Variants in NUDCD2 observed in about 807,000 individuals in gnomAD.
NUDCD2 encodes the protein NudC domain containing 2.
Under a neutral mutation model 20.8 loss-of-function variants are expected in NUDCD2, and 16 were observed. The observed-to-expected ratio is 0.77, with a 90% CI of 0.52 to 1.17. The LOEUF is 1.17. Ranked by LOEUF, NUDCD2 falls within the 50% of genes most tolerant of loss-of-function variation. NUDCD2 has a pLI of 0.00. For missense variants in NUDCD2, 199 were observed against 193.9 expected (o/e 1.03, Z -0.16); for synonymous variants, 87 against 72.8 (o/e 1.20, Z -1.00).
rs1758062622 is a variant in NUDCD2, at chr5:163,447,395, GA to G, written c.*6571del. ...GAGCCCAGGAGTTTGAGGCTGCAGT[GA>G]AGCATGACAGAGTTGCTATGCTCCA... On this transcript the variant is annotated 3_prime_UTR_variant, in exon 4 of 4. Coordinates refer to ENST00000302764, the MANE Select transcript of NUDCD2 (RefSeq NM_145266.6). The G allele has an allele frequency of 4.1e-5, 6 of 147,982 alleles. No individual in the cohort carries two copies. The South Asian group carries it at 1.3e-3, about 32-fold the overall frequency. 9.2% of individuals were successfully genotyped at this position (147,982 alleles called of 1,614,324 possible).
At chr5:163,454,256 C>T (rs1220666755) in intron 3 of NUDCD2, among the ~76,000 whole-genome samples, 1 of 152,132 alleles carries the variant, frequency 6.6e-6, no homozygotes, top group Non-Finnish European at 1.5e-5. Flanking sequence ...ATCATATGTA[C>T]ACTACAATGT....
intron 3 of NUDCD2, among the ~76,000 whole-genome samples, chr5:163,456,215 G>A (rs1225073490): frequency 1.3e-5 from 2 of 152,138 alleles, no homozygotes; most frequent in Non-Finnish European, 2.9e-5. Context: ...TCATAAAGAC[G>A]TACATTATCA....
Position 163,451,289 on chromosome 5 carries a change from G to A in NUDCD2, c.*2678C>T, listed in dbSNP as rs576932279. The A allele has an allele frequency of 2.0e-4, 31 of 152,208 alleles. 1 individual carries two copies. Among genetic ancestry groups the A allele is most frequent in the Middle Eastern group, 3.4e-3 (1 of 294 alleles). 9.4% of individuals were successfully genotyped at this position (152,208 alleles called of 1,614,324 possible). On this transcript the variant is annotated 3_prime_UTR_variant, in exon 4 of 4. Transcript: ENST00000302764. ...GAAATGTATGTTGTTACAATAAAGC[G>A]TTTTTCTTAATTATATATGATCCCA...
chr5:163,447,805 A>T lies in NUDCD2; in HGVS notation c.*6162T>A, dbSNP rs1758076757. The T allele has an allele frequency of 6.6e-6, 1 of 152,160 alleles. No individual in the cohort carries two copies. Among genetic ancestry groups the T allele is most frequent in the African/African-American group, 2.4e-5 (1 of 41,440 alleles). 9.4% of individuals were successfully genotyped at this position (152,160 alleles called of 1,614,324 possible). On this transcript the variant is annotated 3_prime_UTR_variant, in exon 4 of 4. Transcript: ENST00000302764. Reference sequence around the variant, plus strand: ...AGTAACAGCAAGAAAATCTCCAAACACTTGGAAATTAAACAACACATTTCT... The same window carrying T: ...AGTAACAGCAAGAAAATCTCCAAACTCTTGGAAATTAAACAACACATTTCT...
In NUDCD2 at chr5:163,452,891, A is replaced by G. The variant is rs1304443182; in HGVS notation, c.*1076T>C. On this transcript the variant is annotated 3_prime_UTR_variant, in exon 4 of 4. Transcript: ENST00000302764. Reference sequence around the variant, plus strand: ...TGTTCCAGAATGAAGTAAACTAAAGACAGCTGACATCTAAATGAAAGGCAT... The same window carrying G: ...TGTTCCAGAATGAAGTAAACTAAAGGCAGCTGACATCTAAATGAAAGGCAT... 1 of 152,214 alleles carries G rather than the reference A, an allele frequency of 6.6e-6. No individual in the cohort carries two copies. Among genetic ancestry groups the G allele is most frequent in the African/African-American group, 2.4e-5 (1 of 41,454 alleles). The allele number at this position is 152,214 out of a possible 1,614,324, so 9.4% of individuals were successfully genotyped here.
At chr5:163,454,915 A>C (rs913023260) in intron 3 of NUDCD2, among the ~76,000 whole-genome samples, 5 of 152,198 alleles carry the variant, frequency 3.3e-5, no homozygotes, top group Non-Finnish European at 7.4e-5. Context: ...ACCATAAATC[A>C]ACCAGTACAG....
Position 163,460,067 on chromosome 5 carries a change from G to C in NUDCD2, c.-17C>G, listed in dbSNP as rs567390299. The C allele has an allele frequency of 1.3e-6, 2 of 1,531,656 alleles. No individual in the cohort carries two copies. The highest frequency in any genetic ancestry group is 2.8e-5 in the African/African-American group (2 of 71,748). 94.9% of individuals were successfully genotyped at this position (1,531,656 alleles called of 1,614,324 possible). On this transcript the variant is annotated 5_prime_UTR_variant, in exon 1 of 4. Transcript: ENST00000302764. ...GGCCGACATAATCCAGTCCCTCCCG[G>C]CCGCGGCCGCACCAGGCGGAGCCGA... is the stretch of plus-strand genomic sequence containing the variant.
chr5:163,449,939 A>C lies in NUDCD2; in HGVS notation c.*4028T>G, dbSNP rs1463631466. The C allele has an allele frequency of 6.6e-6, 1 of 152,162 alleles. No individual in the cohort carries two copies. The highest frequency in any genetic ancestry group is 1.5e-5 in the Non-Finnish European group (1 of 68,024). 9.4% of individuals were successfully genotyped at this position (152,162 alleles called of 1,614,324 possible). A position where few individuals can be genotyped will look rare whatever the true frequency, so the allele number is the denominator to read the frequency against. ...GATCACGGATCTAAATGTAGAACTA[A>C]ATTTATAAAATTTTTAGAAGAAAAA... On this transcript the variant is annotated 3_prime_UTR_variant, in exon 4 of 4. Coordinates refer to ENST00000302764, the MANE Select transcript of NUDCD2 (RefSeq NM_145266.6).
chr5:163,454,484 G>T (rs938445598), intron 3 of NUDCD2, among the ~76,000 whole-genome samples: 2 of 152,098 alleles, frequency 1.3e-5, no homozygotes, highest in African/African-American at 4.8e-5. Context: ...TGCGATTACA[G>T]GCATGTACCA....
At position 163,448,881 on chromosome 5, in the gene NUDCD2, A is replaced by AG. The variant is rs1758107401; in HGVS notation, c.*5085dup. On this transcript the variant is annotated 3_prime_UTR_variant, in exon 4 of 4. Coordinates refer to ENST00000302764, the MANE Select transcript of NUDCD2 (RefSeq NM_145266.6). ...AAAGAATGACCAAACTGATACAGAA[A>AG]GAGCATAGAAAATTCAGCATCCACT... The AG allele has an allele frequency of 6.6e-6, 1 of 152,248 alleles. No homozygotes were observed. Among genetic ancestry groups the AG allele is most frequent in the Non-Finnish European group, 1.5e-5 (1 of 68,036 alleles). 9.4% of individuals were successfully genotyped at this position (152,248 alleles called of 1,614,324 possible).
intron 3 of NUDCD2, among the ~76,000 whole-genome samples, chr5:163,455,658 G>T (rs909126604): frequency 2.0e-5 from 3 of 151,946 alleles, no homozygotes; most frequent in Non-Finnish European, 1.5e-5. Flanking sequence ...CAGCTACTCG[G>T]GAGGCTGAGG....
At chr5:163,457,410 C>T in intron 2 of NUDCD2, 152 bp downstream of exon 2, 2 of 601,196 alleles carry the variant, frequency 3.3e-6, no homozygotes, top group Non-Finnish European at 6.0e-6. Flanking sequence ...TTTTCTCCCC[C>T]CACTAGGTAA....
At chr5:163,454,405 G>C (rs916169015) in intron 3 of NUDCD2, among the ~76,000 whole-genome samples, 1 of 152,004 alleles carries the variant, frequency 6.6e-6, no homozygotes, top group Non-Finnish European at 1.5e-5. Context: ...GCAATGGTGC[G>C]ACCTCAGCTC....
In NUDCD2 at chr5:163,451,449, A is replaced by G. The variant is rs1554094785; in HGVS notation, c.*2518T>C. 3 of 152,162 alleles carry G rather than the reference A, an allele frequency of 2.0e-5. No individual in the cohort carries two copies. Among genetic ancestry groups the G allele is most frequent in the Non-Finnish European group, 4.4e-5 (3 of 68,026 alleles). The allele number at this position is 152,162 out of a possible 1,614,324, so 9.4% of individuals were successfully genotyped here. On this transcript the variant is annotated 3_prime_UTR_variant, in exon 4 of 4. Coordinates refer to ENST00000302764, the MANE Select transcript of NUDCD2 (RefSeq NM_145266.6). ...TTTTACGGTGATTGAACTCTTCAAT[A>G]CTCTGACTGTGGAGGTGTTTACACA... is the stretch of plus-strand genomic sequence containing the variant.
At chr5:163,457,704 C>T (rs1267578125) in intron 1 of NUDCD2, 94 bp from the exon 2 acceptor site, 5 of 770,252 alleles carry the variant, frequency 6.5e-6, no homozygotes, top group Non-Finnish European at 1.1e-5. Flanking sequence ...ACCTAATCCA[C>T]ATCTTATACC....
rs970114243 is a variant in NUDCD2, at chr5:163,459,928, C to G, written c.123G>C (p.Gln41His). 1 of 1,613,328 alleles carries G rather than the reference C, an allele frequency of 6.2e-7. No homozygotes were observed. Among genetic ancestry groups the G allele is most frequent in the Non-Finnish European group, 8.5e-7 (1 of 1,179,828 alleles). The change falls in exon 1 of 4, where the codon CAG becomes CAC. Residue 41 changes from glutamine (Q) to histidine (H), a missense_variant. Gln to His is a conservative substitution (Grantham distance 24). Transcript: ENST00000302764. ...GGCTCTGGAGGCCGCACTGGATATC[C>G]TGGGCGCGCGTGCCTGGCGGCACCT... The part of the protein sequence containing the change: ...EVQVPPGTRA[Q>H]DIQCGLQSRH...
chr5:163,453,300 A>G lies in NUDCD2; in HGVS notation c.*667T>C, dbSNP rs1269731417. On this transcript the variant is annotated 3_prime_UTR_variant, in exon 4 of 4. Coordinates refer to ENST00000302764, the MANE Select transcript of NUDCD2 (RefSeq NM_145266.6). ...ATCAAAATGATGCCACTGATATACAATTAGTGACCTTACTTTGCTTTCTGC... is the reference window on the plus strand; with the variant it reads ...ATCAAAATGATGCCACTGATATACAGTTAGTGACCTTACTTTGCTTTCTGC... 6.6e-6 allele frequency: 1 copy of G among 152,200 alleles called. No individual in the cohort carries two copies. Among genetic ancestry groups the G allele is most frequent in the African/African-American group, 2.4e-5 (1 of 41,456 alleles). 9.4% of individuals were successfully genotyped at this position (152,200 alleles called of 1,614,324 possible).
Position 163,451,666 on chromosome 5 carries a change from G to A in NUDCD2, c.*2301C>T, listed in dbSNP as rs1012128968. On this transcript the variant is annotated 3_prime_UTR_variant, in exon 4 of 4. Coordinates refer to ENST00000302764, the MANE Select transcript of NUDCD2 (RefSeq NM_145266.6). Reference sequence around the variant, plus strand: ...TGCCATGGCCTGGAGTGAGGTATTAGGGTCCAGGCAGGATGAGGAGGACAT... The same window carrying A: ...TGCCATGGCCTGGAGTGAGGTATTAAGGTCCAGGCAGGATGAGGAGGACAT... 6.6e-6 allele frequency: 1 copy of A among 152,340 alleles called. No homozygotes were observed. Among genetic ancestry groups the A allele is most frequent in the Admixed American group, 6.5e-5 (1 of 15,306 alleles). The allele number at this position is 152,340 out of a possible 1,614,324, so 9.4% of individuals were successfully genotyped here. A position where few individuals can be genotyped will look rare whatever the true frequency, so the allele number is the denominator to read the frequency against.
At position 163,448,844 on chromosome 5, in the gene NUDCD2, C is replaced by T. The variant is rs1014134924; in HGVS notation, c.*5123G>A. ...GAATCAGTAAAATCCATGATTTTAA[C>T]AGTCTAAACAAAAAGAATGACCAAA... On this transcript the variant is annotated 3_prime_UTR_variant, in exon 4 of 4. Transcript: ENST00000302764. 1.3e-5 allele frequency: 2 copies of T among 152,112 alleles called. No homozygotes were observed. The highest frequency in any genetic ancestry group is 4.8e-5 in the African/African-American group (2 of 41,430). The allele number at this position is 152,112 out of a possible 1,614,324, so 9.4% of individuals were successfully genotyped here. A position where few individuals can be genotyped will look rare whatever the true frequency, so the allele number is the denominator to read the frequency against.
Sources: gnomAD v4.1 joint callset for allele counts (sites outside exome capture counted in the v4.1 genomes callset) on GRCh38, gnomAD v4.1.1 for gene constraint, MANE v1.5 for transcripts, NCBI Gene and HGNC (gene_info 2026-07-23, HGNC 2026-07-21) for gene names.